The following MAP7 variants were observed in gnomAD, a reference collection of about 807,000 sequenced individuals.
The protein encoded by MAP7 is microtubule associated protein 7, also known as ensconsin.
In MAP7, 52 loss-of-function variants were observed where a neutral mutation model predicts 94.8. That is an observed-to-expected ratio of 0.55 (90% confidence interval 0.44 to 0.69). The LOEUF (loss-of-function observed/expected upper bound fraction) is 0.69. Ranked by LOEUF, MAP7 falls within the 30% of genes least tolerant of loss-of-function variation. The pLI is 0.00. For synonymous variants in MAP7, 350 were observed against 357.0 expected, an observed-to-expected ratio of 0.98 and a Z score of 0.22; for missense variants, 940 against 964.6, an observed-to-expected ratio of 0.97 and a Z score of 0.34.
At chr6:136,526,664 A>G (rs1197502066) in intron 1 of MAP7, 1 of 985,368 alleles carries the variant, frequency 1.0e-6, no homozygotes, top group Non-Finnish European at 1.2e-6. Context: ...GCAGGATGGG[A>G]GGAGAAAGAG....
chr6:136,473,795 C>A (rs569282764), intron 1 of MAP7, among the ~76,000 whole-genome samples: 2 of 152,226 alleles, frequency 1.3e-5, no homozygotes, highest in East Asian at 1.9e-4. Flanking sequence ...CAAAGAGAAC[C>A]CTTATTGCTT....
intron 7 of MAP7, among the ~76,000 whole-genome samples, chr6:136,377,215 T>C (rs1373903646): frequency 6.6e-6 from 1 of 152,196 alleles, no homozygotes; most frequent in East Asian, 1.9e-4. Context: ...TCAAAGAATG[T>C]AACAAATAAG....
intron 1 of MAP7, among the ~76,000 whole-genome samples, chr6:136,512,408 C>T (rs531726171): frequency 1.1e-4 from 17 of 152,312 alleles, no homozygotes; most frequent in Non-Finnish European, 1.8e-4. Flanking sequence ...AAGACTATTA[C>T]GGATGTAAAA....
intron 1 of MAP7, among the ~76,000 whole-genome samples, chr6:136,456,023 C>T (rs1458039053): frequency 6.6e-6 from 1 of 152,168 alleles, no homozygotes; most frequent in Non-Finnish European, 1.5e-5. Context: ...CCATAACTTG[C>T]TTACCCAGCC....
In MAP7 at chr6:136,462,192, T is replaced by C. The variant is rs528820912; in HGVS notation, c.68-40393A>G. ...CTTAAAAAAAAAAAAAAAAAGATGG[T>C]ATACCAGTGGTTGCACTTCAGTACA... On this transcript the variant is annotated intron_variant, in intron 1 of 17. Transcript: ENST00000354570. 1.7e-4 allele frequency among the ~76,000 whole-genome samples: 25 copies of C among 145,808 alleles called. No individual in the cohort carries two copies. The South Asian group carries it at 5.0e-3, about 29-fold the overall frequency.
intron 10 of MAP7, among the ~76,000 whole-genome samples, chr6:136,363,765 C>T (rs1332359498): frequency 6.6e-6 from 1 of 152,186 alleles, no homozygotes; most frequent in Non-Finnish European, 1.5e-5. Context: ...ATCAAGCACA[C>T]AGGCTATACC....
rs61666828 is a variant in MAP7, at chr6:136,393,798, A to ATTT, written c.245-4284_245-4282dup. ...GGTACATGCTACCACATTCAGCAAA[A>ATTT]TTTTTTTTTTTTTTTTTTTTTTTTT... On this transcript the variant is annotated intron_variant, in intron 3 of 17. Coordinates refer to ENST00000354570, the MANE Select transcript of MAP7 (RefSeq NM_003980.6). 5.5e-3 allele frequency among the ~76,000 whole-genome samples: 464 copies of ATTT among 84,428 alleles called. 6 individuals carry two copies. The highest frequency in any genetic ancestry group is 0.019 in the African/African-American group (425 of 22,764). The allele number at this position is 84,428 out of a possible 152,430, so 55.4% of individuals were successfully genotyped here.
At position 136,359,872 on chromosome 6, in the gene MAP7, G is replaced by A; in HGVS notation, c.1860C>T (p.Thr620=). The A allele has an allele frequency of 6.2e-7, 1 of 1,613,218 alleles. No individual in the cohort carries two copies. Among genetic ancestry groups the A allele is most frequent in the South Asian group, 1.1e-5 (1 of 90,778 alleles). ...TRRTEATDKK[T]SDQRNGDIAK... ...CTATATCACCGTTTCTCTGATCACT[G>A]GTTTTCTACGAAGAAGAAAAAAAGA... Residue 620 remains threonine, a synonymous_variant, in exon 15 of 18, where the codon ACC becomes ACT. Coordinates refer to ENST00000354570, the MANE Select transcript of MAP7 (RefSeq NM_003980.6).
At chr6:136,515,145 T>C (rs1404197866) in intron 1 of MAP7, among the ~76,000 whole-genome samples, 2 of 152,250 alleles carry the variant, frequency 1.3e-5, no homozygotes, top group African/African-American at 4.8e-5. Context: ...AGACACTTTC[T>C]TTCCTTAAAC....
chr6:136,501,995 T>C (rs1487831551), intron 1 of MAP7, among the ~76,000 whole-genome samples: 1 of 152,190 alleles, frequency 6.6e-6, no homozygotes, highest in Non-Finnish European at 1.5e-5. Context: ...TAGTAGTATT[T>C]GCCACTAGAT....
At chr6:136,518,510 G>T (rs984878021) in intron 1 of MAP7, among the ~76,000 whole-genome samples, 1 of 152,050 alleles carries the variant, frequency 6.6e-6, no homozygotes, top group Admixed American at 6.6e-5. Flanking sequence ...GGTATAATGG[G>T]GTATGACTTA....
intron 12 of MAP7, 27 bp from the exon 13 acceptor site, chr6:136,360,825 T>C (rs1792440994): frequency 3.1e-6 from 5 of 1,610,338 alleles, no homozygotes; most frequent in Non-Finnish European, 1.7e-6. Context: ...GGCGTCTGCC[T>C]CTGACAAACA....
intron 2 of MAP7, among the ~76,000 whole-genome samples, chr6:136,418,745 A>AC (rs1449430195): frequency 1.3e-5 from 2 of 151,886 alleles, no homozygotes; most frequent in Non-Finnish European, 2.9e-5. Flanking sequence ...TATATAATGA[A>AC]CTTTTTTTTT....
intron 1 of MAP7, among the ~76,000 whole-genome samples, chr6:136,505,689 C>T (rs1583091291): frequency 6.6e-6 from 1 of 151,900 alleles, no homozygotes; most frequent in African/African-American, 2.4e-5. Flanking sequence ...AGACTTAATA[C>T]CTGGGTGATG....
chr6:136,381,858 T>C (rs1176281766), intron 6 of MAP7, among the ~76,000 whole-genome samples: 2 of 139,800 alleles, frequency 1.4e-5, no homozygotes, highest in African/African-American at 5.4e-5. Flanking sequence ...AATTCTCTAC[T>C]CCTTACCACT....
intron 3 of MAP7, among the ~76,000 whole-genome samples, chr6:136,398,605 G>A (rs752929660): frequency 2.6e-5 from 4 of 152,116 alleles, no homozygotes; most frequent in Non-Finnish European, 5.9e-5. Context: ...AGTCTCAAGA[G>A]ATCTGAAGGT....
At chr6:136,393,274 C>T (rs1781289937) in intron 3 of MAP7, among the ~76,000 whole-genome samples, 1 of 152,050 alleles carries the variant, frequency 6.6e-6, no homozygotes, top group African/African-American at 2.4e-5. Flanking sequence ...TGTTATTGTC[C>T]TGTTGGGAAA....
chr6:136,396,548 T>G (rs1782558387), intron 3 of MAP7, among the ~76,000 whole-genome samples: 2 of 152,222 alleles, frequency 1.3e-5, no homozygotes, highest in Admixed American at 6.5e-5. Flanking sequence ...TCTTTATTTC[T>G]TTCTCTTGCC....
At position 136,356,741 on chromosome 6, in the gene MAP7, C is replaced by T; in HGVS notation, c.1966G>A (p.Gly656Ser). The change falls in exon 16 of 18, where the codon GGC becomes AGC. Residue 656 changes from glycine to serine, a missense_variant. Coordinates refer to ENST00000354570, the MANE Select transcript of MAP7 (RefSeq NM_003980.6). The part of the protein sequence containing the change: ...TNAPGNGKPV[G>S]SPHVVTSHQS... ...TGTGAGGTAACCACATGTGGGCTGC[C>T]AACTGGCTTTCCATTTCCCGGAGCG... is the stretch of plus-strand genomic sequence containing the variant. The T allele has an allele frequency of 6.2e-7, 1 of 1,614,174 alleles. No homozygotes were observed. Among genetic ancestry groups the T allele is most frequent in the Non-Finnish European group, 8.5e-7 (1 of 1,180,032 alleles).
Sources: allele counts gnomAD v4.1 joint callset (sites outside exome capture counted in the v4.1 genomes callset), GRCh38; gene constraint gnomAD v4.1.1; transcripts MANE v1.5; gene names NCBI Gene and HGNC (gene_info 2026-07-23, HGNC 2026-07-21).